The following SERPINA3 variants were observed in gnomAD, a reference collection of about 807,000 sequenced individuals.
SERPINA3 encodes serpin family A member 3.
SERPINA3 carries 32 observed loss-of-function variants against 26.8 expected under a neutral mutation model. The ratio of observed to expected loss-of-function variants is 1.20; its 90% CI spans 0.90 to 1.61. SERPINA3 has a LOEUF of 1.61. SERPINA3 is among the 40% of genes most tolerant of loss of function. SERPINA3 has a pLI of 0.00. For synonymous variants in SERPINA3, 252 were observed against 206.4 expected (o/e 1.22, Z -1.89); for missense variants, 632 against 517.9 (o/e 1.22, Z -2.14).
At chr14:94,622,564 G>C (rs1886244881) in intron 4 of SERPINA3, 73 bp downstream of exon 4, 14 of 1,543,900 alleles carry the variant, frequency 9.1e-6, no homozygotes, top group Middle Eastern at 2.1e-4. Flanking sequence ...ATGGACTTTT[G>C]GGTACTCTTG....
In SERPINA3 at chr14:94,614,876, G is replaced by T. The variant is rs771801448; in HGVS notation, c.435G>T (p.Glu145Asp). ...TGGGAAATGCCATGTTTGTCAAAGA[G>T]CAACTCAGTCTGCTGGACAGGTTCA... is the stretch of plus-strand genomic sequence containing the variant. ...LSMGNAMFVK[E>D]QLSLLDRFTE... The change falls in exon 2 of 5, where the codon GAG becomes GAT. Residue 145 changes from glutamate (E) to aspartate (D), a missense_variant. Coordinates refer to ENST00000393078, the MANE Select transcript of SERPINA3 (RefSeq NM_001085.5). The T allele has an allele frequency of 6.2e-7, 1 of 1,614,168 alleles. No individual in the cohort carries two copies. Among genetic ancestry groups the T allele is most frequent in the South Asian group, 1.1e-5 (1 of 91,080 alleles).
At position 94,614,802 on chromosome 14, in the gene SERPINA3, C is replaced by T. The variant is rs571405902; in HGVS notation, c.361C>T (p.His121Tyr). The change falls in exon 2 of 5, where the codon CAC becomes TAC. Residue 121 changes from histidine to tyrosine, a missense_variant. By Grantham distance (83) the His-to-Tyr change is moderately conservative (BLOSUM62 2). Coordinates refer to ENST00000393078, the MANE Select transcript of SERPINA3 (RefSeq NM_001085.5). ...SEAEIHQSFQ[H>Y]LLRTLNQSSD... ...GGCAGAAATTCACCAGAGCTTCCAG[C>T]ACCTCCTGCGCACCCTCAATCAGTC... 3.1e-6 allele frequency: 5 copies of T among 1,614,232 alleles called. No individual in the cohort carries two copies. In the Admixed American group the frequency reaches 8.3e-5, roughly 27 times the overall value.
chr14:94,622,369 T>G lies in SERPINA3; in HGVS notation c.946T>G (p.Phe316Val). ...REIGELYLPKFSISRDYNLND... is the reference protein window; with the variant it reads ...REIGELYLPKVSISRDYNLND... ...GATAGGTGAGCTCTACCTGCCAAAGTTTTCCATCTCGAGGGACTATAACCT... is the reference window on the plus strand; with the variant it reads ...GATAGGTGAGCTCTACCTGCCAAAGGTTTCCATCTCGAGGGACTATAACCT... Residue 316 changes from phenylalanine to valine, a missense_variant, in exon 4 of 5, where the codon TTT becomes GTT. Physicochemically the swap from Phe to Val is conservative, Grantham distance 50. Coordinates refer to ENST00000393078, the MANE Select transcript of SERPINA3 (RefSeq NM_001085.5). The G allele has an allele frequency of 6.2e-7, 1 of 1,613,940 alleles. No homozygotes were observed. Among genetic ancestry groups the G allele is most frequent in the Non-Finnish European group, 8.5e-7 (1 of 1,179,980 alleles).
At position 94,614,546 on chromosome 14, in the gene SERPINA3, C is replaced by G. The variant is rs746230012; in HGVS notation, c.105C>G (p.Thr35=). The change falls in exon 2 of 5, where the codon ACC becomes ACG. Residue 35 remains threonine, a synonymous_variant. Coordinates refer to ENST00000393078, the MANE Select transcript of SERPINA3 (RefSeq NM_001085.5). ...PNSPLDEENL[T]QENQDRGTHV... ...GCCCACTTGACGAGGAGAATCTGAC[C>G]CAGGAGAACCAAGACCGAGGGACAC... 2 of 1,614,020 alleles carry G rather than the reference C, an allele frequency of 1.2e-6. No individual in the cohort carries two copies. The highest frequency in any genetic ancestry group is 1.7e-6 in the Non-Finnish European group (2 of 1,179,934).
chr14:94,619,588 C>A, intron 3 of SERPINA3, 120 bp downstream of exon 3: 1 of 1,285,942 alleles, frequency 7.8e-7, no homozygotes, highest in Non-Finnish European at 1.1e-6. Context: ...TTTACACTTA[C>A]TTTGCCCTAT....
At chr14:94,620,553 C>T (rs1046080808) in intron 3 of SERPINA3, among the ~76,000 whole-genome samples, 4 of 152,046 alleles carry the variant, frequency 2.6e-5, no homozygotes, top group Non-Finnish European at 4.4e-5. Context: ...TGCTGCGATC[C>T]GAGTGTTGTT....
At position 94,614,436 on chromosome 14, in the gene SERPINA3, T is replaced by C. The variant is rs144870571; in HGVS notation, c.-6T>C. On this transcript the variant is annotated splice_region_variant and 5_prime_UTR_variant, in exon 2 of 5. Coordinates refer to ENST00000393078, the MANE Select transcript of SERPINA3 (RefSeq NM_001085.5). ...CTTAAAGGAGCTTTGCTTTTCAGAGTTGAGAATGGAGAGAATGTTACCTCT... is the reference window on the plus strand; with the variant it reads ...CTTAAAGGAGCTTTGCTTTTCAGAGCTGAGAATGGAGAGAATGTTACCTCT... 2.3e-4 allele frequency: 373 copies of C among 1,613,122 alleles called. 1 individual carries two copies. The African/African-American group carries it at 4.6e-3, about 20-fold the overall frequency.
At chr14:94,615,363 CA>C (rs1482296729) in intron 2 of SERPINA3, among the ~76,000 whole-genome samples, 1 of 152,246 alleles carries the variant, frequency 6.6e-6, no homozygotes, top group Non-Finnish European at 1.5e-5. Context: ...ACTTGTCCGG[CA>C]AACAGAAAGA....
intron 2 of SERPINA3, chr14:94,617,812 T>C (rs564205309): frequency 3.3e-5 from 5 of 152,290 alleles, no homozygotes; most frequent in African/African-American, 1.2e-4. Flanking sequence ...TTTTTTTCCA[T>C]AAAGGGCCTA....
chr14:94,619,684 T>C lies in SERPINA3; in HGVS notation c.917+216T>C, dbSNP rs984036507. 3 of 608,010 alleles carry C rather than the reference T, an allele frequency of 4.9e-6. No homozygotes were observed. In the African/African-American group the frequency reaches 5.5e-5, roughly 11 times the overall value. The allele number at this position is 608,010 out of a possible 1,614,324, so 37.7% of individuals were successfully genotyped here. A position where few individuals can be genotyped will look rare whatever the true frequency, so the allele number is the denominator to read the frequency against. ...CAGGACAAGGGGCTGAGGCTTCCTCTGACTCCAGCATGTTCTAAGTCATGA... is the reference window on the plus strand; with the variant it reads ...CAGGACAAGGGGCTGAGGCTTCCTCCGACTCCAGCATGTTCTAAGTCATGA... On this transcript the variant is annotated intron_variant, in intron 3 of 4. Transcript: ENST00000393078.
chr14:94,619,035 C>G, intron 2 of SERPINA3, 160 bp from the exon 3 acceptor site: 1 of 776,090 alleles, frequency 1.3e-6, no homozygotes, highest in South Asian at 1.4e-5. Context: ...CTGGGCTCTC[C>G]CTCACCCCCA....
chr14:94,621,172 T>A (rs1034027360), intron 3 of SERPINA3, among the ~76,000 whole-genome samples: 12 of 152,184 alleles, frequency 7.9e-5, no homozygotes, highest in Admixed American at 1.3e-4. Flanking sequence ...TCACTCTAGA[T>A]CCCAGGAGAC....
intron 3 of SERPINA3, 42 bp from the exon 4 acceptor site, chr14:94,622,299 G>A (rs112513797): frequency 1.4e-5 from 22 of 1,610,286 alleles, no homozygotes; most frequent in African/African-American, 6.7e-5. Flanking sequence ...GGTAGGTACT[G>A]ATCAGCAGAG....
chr14:94,617,836 T>C (rs2139958670), intron 2 of SERPINA3: 1 of 152,316 alleles, frequency 6.6e-6, no homozygotes, highest in East Asian at 1.9e-4. Context: ...GTATGTATTT[T>C]AGGCTGTGTG....
chr14:94,622,285 G>T, intron 3 of SERPINA3, 56 bp from the exon 4 acceptor site: 9 of 1,567,370 alleles, frequency 5.7e-6, no homozygotes, highest in Non-Finnish European at 7.9e-6. Context: ...CGAGGTGGGA[G>T]GCAGGTAGGT....
intron 4 of SERPINA3, 22 bp downstream of exon 4, chr14:94,622,513 A>G: frequency 6.2e-7 from 1 of 1,613,584 alleles, no homozygotes; most frequent in East Asian, 2.2e-5. Flanking sequence ...GACTTGGGTC[A>G]ATTCATCCTT....
intron 2 of SERPINA3, chr14:94,618,907 C>A (rs553709313): frequency 1.9e-6 from 1 of 524,506 alleles, no homozygotes; most frequent in African/African-American, 1.9e-5. Flanking sequence ...CTCTTTCCCC[C>A]ACTTTCCCTA....
intron 4 of SERPINA3, 105 bp downstream of exon 4, chr14:94,622,596 A>T: frequency 8.1e-7 from 1 of 1,238,724 alleles, no homozygotes; most frequent in African/African-American, 1.5e-5. Context: ...ATGCACGTGC[A>T]TTTCTCATTA....
chr14:94,623,694 T>G lies in SERPINA3; in HGVS notation c.1152T>G (p.Ser384=), dbSNP rs1186335801. 1.2e-6 allele frequency: 2 copies of G among 1,614,054 alleles called. No homozygotes were observed. The highest frequency in any genetic ancestry group is 2.7e-5 in the African/African-American group (2 of 74,926). Residue 384 remains serine, a synonymous_variant, in exon 5 of 5, where the codon TCT becomes TCG. Coordinates refer to ENST00000393078, the MANE Select transcript of SERPINA3 (RefSeq NM_001085.5). ...CAGCAGTCAAAATCACCCTCCTTTC[T>G]GCATTAGTGGAGACAAGGACCATTG... is the stretch of plus-strand genomic sequence containing the variant. ...AATAVKITLL[S]ALVETRTIVR...
Sources: gnomAD v4.1 joint callset for allele counts (sites outside exome capture counted in the v4.1 genomes callset) on GRCh38, gnomAD v4.1.1 for gene constraint, MANE v1.5 for transcripts, NCBI Gene and HGNC (gene_info 2026-07-23, HGNC 2026-07-21) for gene names.